LIPH: variants seen among roughly 807,000 people sequenced by gnomAD.
LIPH encodes the protein lipase member H.
LIPH carries 32 observed loss-of-function variants against 47.6 expected under a neutral mutation model. The ratio of observed to expected loss-of-function variants is 0.67; its 90% confidence interval spans 0.51 to 0.90. LIPH has a LOEUF of 0.90. Ranked by LOEUF, LIPH falls within the 40% of genes least tolerant of loss-of-function variation. The pLI, the probability that LIPH is intolerant of heterozygous loss-of-function variation, is 0.00. For synonymous variants in LIPH, 190 were observed against 195.6 expected, an observed-to-expected ratio of 0.97 and a Z score of 0.24; for missense variants, 497 against 541.4, an observed-to-expected ratio of 0.92 and a Z score of 0.81.
chr3:185,551,691 A>G (rs1309269439), intron 1 of LIPH, among the ~76,000 whole-genome samples: 1 of 152,176 alleles, frequency 6.6e-6, no homozygotes, highest in East Asian at 1.9e-4. Context: ...GAACATTTTT[A>G]CAAGTCTTAA....
At chr3:185,509,496 C>T (rs1363357603) in intron 9 of LIPH, among the ~76,000 whole-genome samples, 1 of 151,188 alleles carries the variant, frequency 6.6e-6, no homozygotes, top group Non-Finnish European at 1.5e-5. Flanking sequence ...TGGGCGTGGT[C>T]GCGTGTGCCT....
At chr3:185,522,906 CTT>C (rs931305076) in intron 5 of LIPH, among the ~76,000 whole-genome samples, 7 of 152,080 alleles carry the variant, frequency 4.6e-5, no homozygotes, top group African/African-American at 1.7e-4. Context: ...TACTTTTAGT[CTT>C]TTTATCTATA....
intron 6 of LIPH, among the ~76,000 whole-genome samples, chr3:185,518,681 AT>A (rs1560158386): frequency 1.3e-5 from 2 of 151,658 alleles, no homozygotes; most frequent in Non-Finnish European, 2.9e-5. Flanking sequence ...TATTTTTAAA[AT>A]TTTTTTCTTT....
rs146618356 is a variant in LIPH at position 185,519,615 on chromosome 3, T to C, written c.719-306A>G. On this transcript the variant is annotated intron_variant, in intron 5 of 9. Coordinates refer to ENST00000296252, the MANE Select transcript of LIPH (RefSeq NM_139248.3). Reference sequence around the variant, plus strand: ...CTTTAGGAGGCCGAAGCAGGTGGATTGCCTGAGGTCAGGAGTTCGAAACCA... The same window carrying C: ...CTTTAGGAGGCCGAAGCAGGTGGATCGCCTGAGGTCAGGAGTTCGAAACCA... Among the ~76,000 whole-genome samples the C allele has an allele frequency of 0.074, 11,277 of 151,798 alleles. 655 individuals carry two copies. Among genetic ancestry groups the C allele is most frequent in the African/African-American group, 0.16 (6,785 of 41,396 alleles).
chr3:185,543,699 G>A (rs1720782819), intron 1 of LIPH, among the ~76,000 whole-genome samples: 1 of 152,166 alleles, frequency 6.6e-6, no homozygotes, highest in African/African-American at 2.4e-5. Flanking sequence ...GGGCAACATA[G>A]CAAGACTCCA....
intron 1 of LIPH, among the ~76,000 whole-genome samples, chr3:185,549,710 C>A (rs1210096865): frequency 6.6e-6 from 1 of 152,132 alleles, no homozygotes; most frequent in African/African-American, 2.4e-5. Context: ...ATTTTTGAGA[C>A]AGGGTCTTGT....
chr3:185,535,438 C>T (rs937018616), intron 1 of LIPH, among the ~76,000 whole-genome samples: 5 of 151,912 alleles, frequency 3.3e-5, no homozygotes, highest in Non-Finnish European at 7.4e-5. Context: ...CCATCATGCC[C>T]GCTAATTTGT....
At chr3:185,528,939 G>T (rs902917391) in intron 3 of LIPH, among the ~76,000 whole-genome samples, 4 of 150,642 alleles carry the variant, frequency 2.7e-5, no homozygotes, top group African/African-American at 7.3e-5. Flanking sequence ...CGAGGTGGGC[G>T]GATCACGAGG....
intron 5 of LIPH, among the ~76,000 whole-genome samples, chr3:185,523,808 T>C (rs1222607401): frequency 6.6e-6 from 1 of 151,888 alleles, no homozygotes; most frequent in East Asian, 1.9e-4. Context: ...CCGCAACCTC[T>C]GTCTCCCAGG....
At chr3:185,540,958 G>T (rs1336405379) in intron 1 of LIPH, among the ~76,000 whole-genome samples, 1 of 152,144 alleles carries the variant, frequency 6.6e-6, no homozygotes, top group Admixed American at 6.5e-5. Context: ...GCTGATCTTT[G>T]TCAGAACAGC....
chr3:185,548,541 A>G (rs1439628726), intron 1 of LIPH, among the ~76,000 whole-genome samples: 1 of 151,816 alleles, frequency 6.6e-6, no homozygotes, highest in African/African-American at 2.4e-5. Flanking sequence ...CAGCCTGGCC[A>G]ATATGGTGAA....
intron 3 of LIPH, among the ~76,000 whole-genome samples, chr3:185,529,965 G>A (rs10212344): frequency 0.51 from 51,709 of 102,232 alleles, 11,059 homozygotes; most frequent in South Asian, 0.54. Flanking sequence ...AAAGAAAGAA[G>A]GAAAGAAAGA....
chr3:185,537,863 A>G (rs961141261), intron 1 of LIPH, among the ~76,000 whole-genome samples: 13 of 152,174 alleles, frequency 8.5e-5, no homozygotes, highest in Non-Finnish European at 1.5e-4. Context: ...GCTGGAGTGC[A>G]GTGGCACGAT....
chr3:185,508,974 CAATTGTTTTT>C, intron 9 of LIPH, 97 bp from the exon 10 acceptor site: 2 of 834,162 alleles, frequency 2.4e-6, no homozygotes, highest in South Asian at 2.9e-5. Context: ...AATTATTTAG[CAATTGTTTTT>C]AATATAGAAA....
intron 1 of LIPH, among the ~76,000 whole-genome samples, chr3:185,537,244 A>G (rs1333934544): frequency 1.3e-5 from 2 of 152,154 alleles, no homozygotes; most frequent in African/African-American, 4.8e-5. Flanking sequence ...TCCTCTGTTT[A>G]GTGCTCAAAA....
chr3:185,546,831 A>G (rs1379895658), intron 1 of LIPH: 1 of 393,956 alleles, frequency 2.5e-6, no homozygotes, highest in Non-Finnish European at 4.8e-6. Flanking sequence ...AAAACAAAAA[A>G]AGCCTGTGCT....
In LIPH at chr3:185,520,872, C is replaced by CTT. The variant is rs62975760; in HGVS notation, c.719-1565_719-1564dup. On this transcript the variant is annotated intron_variant, in intron 5 of 9. Transcript: ENST00000296252. The stretch of plus-strand genomic sequence containing the variant: ...GATCTAATCAAGTACTAGCTTCTAT[C>CTT]TTTTTTTTTTTTTTTGAGATGGAGT... Among the ~76,000 whole-genome samples, 1,328 of 140,948 alleles carry CTT rather than the reference C, an allele frequency of 9.4e-3. 32 individuals carry two copies. The highest frequency in any genetic ancestry group is 0.025 in the African/African-American group (940 of 38,088). 92.5% of individuals were successfully genotyped at this position (140,948 alleles called of 152,430 possible).
chr3:185,529,168 C>T (rs1371722081), intron 3 of LIPH, among the ~76,000 whole-genome samples: 3 of 118,888 alleles, frequency 2.5e-5, no homozygotes, highest in Non-Finnish European at 5.1e-5. Flanking sequence ...CAGAGCGAGA[C>T]TCCGTCTCAA....
At chr3:185,550,674 A>T (rs1721022478) in intron 1 of LIPH, among the ~76,000 whole-genome samples, 1 of 152,014 alleles carries the variant, frequency 6.6e-6, no homozygotes, top group South Asian at 2.1e-4. Flanking sequence ...GGTTCAAGAG[A>T]TTCTCCTGTC....
Sources: allele counts gnomAD v4.1 joint callset (sites outside exome capture counted in the v4.1 genomes callset), GRCh38; gene constraint gnomAD v4.1.1; transcripts MANE v1.5; gene names NCBI Gene and HGNC (gene_info 2026-07-23, HGNC 2026-07-21).